The following OTUD7A variants were observed in gnomAD, a reference collection of about 807,000 sequenced individuals.
The protein encoded by OTUD7A is OTU domain-containing protein 7A.
A neutral mutation model predicts 65.7 loss-of-function variants in OTUD7A; 12 were observed. That is an observed-to-expected ratio of 0.18 (90% CI 0.12 to 0.30). OTUD7A has a LOEUF of 0.30. Among genes scored for constraint, OTUD7A ranks in the 10% least tolerant of loss-of-function variants. The pLI, the probability that OTUD7A is intolerant of heterozygous loss-of-function variation, is 1.00. For synonymous variants in OTUD7A, 641 were observed against 586.3 expected (o/e 1.09, Z -1.35); for missense variants, 1,148 against 1,304.8 (o/e 0.88, Z 1.85).
chr15:31,690,677 T>C (rs1350419617), intron 1 of OTUD7A, among the ~76,000 whole-genome samples: 3 of 152,228 alleles, frequency 2.0e-5, no homozygotes, highest in Non-Finnish European at 4.4e-5. Flanking sequence ...CCATTCCATG[T>C]GGAAAGAACA....
At chr15:31,714,902 G>C (rs563315093) in intron 1 of OTUD7A, among the ~76,000 whole-genome samples, 2 of 152,028 alleles carry the variant, frequency 1.3e-5, no homozygotes, top group Non-Finnish European at 1.5e-5. Context: ...TTGGGAGGCC[G>C]AGGCAGGCGG....
chr15:31,689,773 T>G (rs73376585), intron 1 of OTUD7A, among the ~76,000 whole-genome samples: 8,936 of 152,134 alleles, frequency 0.059, 896 homozygotes, highest in African/African-American at 0.2. Context: ...TTAACAGACG[T>G]GAGGGTGGGC....
intron 1 of OTUD7A, among the ~76,000 whole-genome samples, chr15:31,807,111 C>G (rs542595504): frequency 6.6e-6 from 1 of 152,232 alleles, no homozygotes; most frequent in Admixed American, 6.5e-5. Context: ...TTCCTATGTG[C>G]CTGGCAATGT....
chr15:31,549,821 C>T (rs1017828324), intron 5 of OTUD7A, among the ~76,000 whole-genome samples: 17 of 152,162 alleles, frequency 1.1e-4, no homozygotes, highest in East Asian at 1.9e-4. Context: ...GAGAGCTAGA[C>T]GGCAAGGATG....
chr15:31,857,446 G>A (rs1421149815), intron 1 of OTUD7A, among the ~76,000 whole-genome samples: 1 of 152,100 alleles, frequency 6.6e-6, no homozygotes, highest in Non-Finnish European at 1.5e-5. Flanking sequence ...GGCACTCGTA[G>A]TCCCCTCTGC....
intron 1 of OTUD7A, among the ~76,000 whole-genome samples, chr15:31,786,158 C>A (rs1306160702): frequency 6.6e-6 from 1 of 152,160 alleles, no homozygotes; most frequent in South Asian, 2.1e-4. Flanking sequence ...AGGGCCTCAC[C>A]AGATGCAGCT....
In OTUD7A at chr15:31,501,518, G is replaced by A. The variant is rs970640526; in HGVS notation, c.1171+172C>T. On this transcript the variant is annotated intron_variant, in intron 10 of 12. Coordinates refer to ENST00000307050, the MANE Select transcript of OTUD7A (RefSeq NM_001382637.1). ...TAACATTGTTATTTTCAATGAAAAC[G>A]TTCACACATGCATAAGGTAGCTTTA... Among the ~76,000 whole-genome samples, 6 of 152,236 alleles carry A rather than the reference G, an allele frequency of 3.9e-5. No homozygotes were observed. The East Asian group carries it at 9.6e-4, about 24-fold the overall frequency.
At chr15:31,822,097 G>C (rs1260930831) in intron 1 of OTUD7A, among the ~76,000 whole-genome samples, 1 of 152,192 alleles carries the variant, frequency 6.6e-6, no homozygotes, top group Non-Finnish European at 1.5e-5. Context: ...CAGCATAGAA[G>C]TTTTTACTTT....
chr15:31,604,257 T>C lies in OTUD7A; in HGVS notation c.152-34060A>G, dbSNP rs374965508. ...GGCACATATACATCATGGAATACTA[T>C]GCAGCCATACAAAAGGATGAGTTCA... On this transcript the variant is annotated intron_variant, in intron 3 of 12. Transcript: ENST00000307050. Among the ~76,000 whole-genome samples, 146 of 152,332 alleles carry C rather than the reference T, an allele frequency of 9.6e-4. 1 individual carries two copies. The highest frequency in any genetic ancestry group is 3.0e-3 in the African/African-American group (125 of 41,558).
intron 1 of OTUD7A, among the ~76,000 whole-genome samples, chr15:31,765,283 C>T (rs545283448): frequency 6.8e-4 from 104 of 152,122 alleles, no homozygotes; most frequent in African/African-American, 2.5e-3. Context: ...TAGAAGAGTG[C>T]AACATTTGGC....
Position 31,808,136 on chromosome 15 carries a change from C to CACACACAA in OTUD7A, c.-100+62370_-100+62371insTTGTGTGT, listed in dbSNP as rs772574742. On this transcript the variant is annotated intron_variant, in intron 1 of 12. Transcript: ENST00000307050. The stretch of plus-strand genomic sequence containing the variant: ...ACACACACACACACACACACACACA[C>CACACACAA]AAACAAATCCTCACCAGGTTTTTCC... Among the ~76,000 whole-genome samples the CACACACAA allele has an allele frequency of 1.1e-3, 130 of 119,504 alleles. 2 individuals are homozygous for CACACACAA. Among genetic ancestry groups the CACACACAA allele is most frequent in the Middle Eastern group, 4.7e-3 (1 of 212 alleles). 78.4% of individuals were successfully genotyped at this position (119,504 alleles called of 152,430 possible).
intron 1 of OTUD7A, among the ~76,000 whole-genome samples, chr15:31,867,011 AC>A (rs1359554053): frequency 6.6e-6 from 1 of 152,038 alleles, no homozygotes; most frequent in Non-Finnish European, 1.5e-5. Flanking sequence ...TCCATGAGGA[AC>A]CTCAGTAGGA....
At chr15:31,764,830 A>G (rs1895057442) in intron 1 of OTUD7A, among the ~76,000 whole-genome samples, 1 of 152,056 alleles carries the variant, frequency 6.6e-6, no homozygotes, top group Non-Finnish European at 1.5e-5. Flanking sequence ...CAGTTTGAAA[A>G]CCACTAGCTT....
intron 4 of OTUD7A, among the ~76,000 whole-genome samples, chr15:31,563,516 C>T (rs2141164031): frequency 6.6e-6 from 1 of 152,314 alleles, no homozygotes; most frequent in Middle Eastern, 3.4e-3. Flanking sequence ...CAGAGAGGGC[C>T]TGGGGTAGGG....
intron 3 of OTUD7A, among the ~76,000 whole-genome samples, chr15:31,653,536 TG>T (rs71424605): frequency 0.19 from 28,575 of 150,160 alleles, 2,913 homozygotes; most frequent in East Asian, 0.24. Context: ...GACATTTATC[TG>T]ACATTCTTGC....
intron 3 of OTUD7A, among the ~76,000 whole-genome samples, chr15:31,639,880 G>A (rs1039768559): frequency 3.3e-5 from 5 of 152,082 alleles, no homozygotes; most frequent in Non-Finnish European, 5.9e-5. Context: ...AAATAATTGA[G>A]TCATGAGAAC....
chr15:31,761,497 G>A (rs1382893852), intron 1 of OTUD7A, among the ~76,000 whole-genome samples: 1 of 152,070 alleles, frequency 6.6e-6, no homozygotes, highest in Non-Finnish European at 1.5e-5. Flanking sequence ...CACTAGGATG[G>A]GTATAATAAG....
chr15:31,672,198 G>A (rs772618657), intron 1 of OTUD7A, among the ~76,000 whole-genome samples: 31 of 152,126 alleles, frequency 2.0e-4, no homozygotes, highest in Non-Finnish European at 4.0e-4. Context: ...AGGGCCATTC[G>A]ATATCTGAAG....
intron 1 of OTUD7A, among the ~76,000 whole-genome samples, chr15:31,701,600 T>A (rs1893215427): frequency 2.0e-5 from 3 of 150,962 alleles, no homozygotes; most frequent in Admixed American, 6.6e-5. Context: ...CCTTAATTAA[T>A]CTAATATGAA....
Sources: allele counts gnomAD v4.1 joint callset (sites outside exome capture counted in the v4.1 genomes callset), GRCh38; gene constraint gnomAD v4.1.1; transcripts MANE v1.5; gene names NCBI Gene and HGNC (gene_info 2026-07-23, HGNC 2026-07-21).